OGA: variants seen among roughly 807,000 people sequenced by gnomAD.
The protein encoded by OGA is O-GlcNAcase.
OGA carries 21 observed loss-of-function variants against 102.0 expected under a neutral mutation model. The observed-to-expected ratio is 0.21, with a 90% CI of 0.15 to 0.30. OGA has a LOEUF of 0.30. Among genes scored for constraint, OGA ranks in the 10% least tolerant of loss-of-function variants. OGA has a pLI of 1.00. For missense variants in OGA, 765 were observed against 1,107.8 expected, an observed-to-expected ratio of 0.69 and a Z score of 4.39; for synonymous variants, 408 against 378.2, an observed-to-expected ratio of 1.08 and a Z score of -0.91.
intron 14 of OGA, 108 bp downstream of exon 14, chr10:101,790,788 A>C: frequency 2.6e-6 from 2 of 758,762 alleles, no homozygotes; most frequent in South Asian, 5.3e-5. Flanking sequence ...CTAAGATTTT[A>C]TGATGTATCT....
chr10:101,792,825 A>C lies in OGA; in HGVS notation c.2175+14T>G. 1.3e-6 allele frequency: 2 copies of C among 1,546,858 alleles called. No homozygotes were observed. Among genetic ancestry groups the C allele is most frequent in the Non-Finnish European group, 1.8e-6 (2 of 1,118,884 alleles). ...ATACCCATACACCAAGTTGGTAGGT[A>C]GAGAGACAATTACCTCATCCTTAGG... On this transcript the variant is annotated intron_variant, in intron 12 of 15. Coordinates refer to ENST00000361464, the MANE Select transcript of OGA (RefSeq NM_012215.5).
chr10:101,806,630 A>G (rs902572298), intron 5 of OGA, among the ~76,000 whole-genome samples: 4 of 152,260 alleles, frequency 2.6e-5, no homozygotes, highest in African/African-American at 9.6e-5. Context: ...ATCAATTCTT[A>G]CGATACTACA....
At chr10:101,812,869 A>T in intron 3 of OGA, 161 bp downstream of exon 3, 1 of 702,070 alleles carries the variant, frequency 1.4e-6, no homozygotes, top group Non-Finnish European at 2.6e-6. Context: ...AGCGCAGAGC[A>T]CTCTTTCAAT....
intron 10 of OGA, chr10:101,797,220 T>C (rs1422474510): frequency 1.3e-5 from 2 of 152,166 alleles, no homozygotes; most frequent in Admixed American, 1.3e-4. Flanking sequence ...TGCTGCCTGC[T>C]GTGTGCTGTA....
chr10:101,786,854 G>A (rs367997985), intron 15 of OGA, among the ~76,000 whole-genome samples: 15 of 152,028 alleles, frequency 9.9e-5, no homozygotes, highest in East Asian at 3.9e-4. Flanking sequence ...TGCAACCTCC[G>A]CCTCCCGGCT....
At chr10:101,812,863 C>T in intron 3 of OGA, 167 bp downstream of exon 3, 1 of 692,664 alleles carries the variant, frequency 1.4e-6, no homozygotes, top group South Asian at 1.5e-5. Context: ...CTTGCTAGCG[C>T]AGAGCACTCT....
intron 4 of OGA, among the ~76,000 whole-genome samples, chr10:101,808,158 ATT>A (rs1266566478): frequency 6.6e-6 from 1 of 152,098 alleles, no homozygotes. Context: ...TTGGATTTTC[ATT>A]TTTGTTTTTT....
At chr10:101,812,901 C>T in intron 3 of OGA, 129 bp downstream of exon 3, 1 of 775,358 alleles carries the variant, frequency 1.3e-6, no homozygotes, top group Non-Finnish European at 2.3e-6. Flanking sequence ...GAATAGTTAC[C>T]AGATAGAAGA....
In OGA at chr10:101,800,243, G is replaced by A; in HGVS notation, c.1194C>T (p.Ser398=). ...TTAACAAAGAATGGCCAAACTCACT[G>A]CTGTATTGATGAGGCACACCAAACT... ...LQEFGVPHQY[S]SRQVAHSGAK... Residue 398 remains serine (S), a splice_region_variant and synonymous_variant, in exon 8 of 16, where the codon AGC becomes AGT. Transcript: ENST00000361464. 1 of 1,613,504 alleles carries A rather than the reference G, an allele frequency of 6.2e-7. No individual in the cohort carries two copies. The highest frequency in any genetic ancestry group is 8.5e-7 in the Non-Finnish European group (1 of 1,179,572).
At chr10:101,809,366 G>T (rs2065518637) in intron 4 of OGA, among the ~76,000 whole-genome samples, 1 of 152,106 alleles carries the variant, frequency 6.6e-6, no homozygotes, top group African/African-American at 2.4e-5. Context: ...AATTTGAGAA[G>T]AACTAGTACC....
intron 3 of OGA, 103 bp downstream of exon 3, chr10:101,812,927 C>T (rs938887364): frequency 4.1e-6 from 4 of 986,240 alleles, no homozygotes; most frequent in South Asian, 3.9e-5. Flanking sequence ...AAACTACCTA[C>T]AAAATAAAAA....
At chr10:101,798,517 G>T (rs748088639) in intron 9 of OGA, among the ~76,000 whole-genome samples, 3 of 150,648 alleles carry the variant, frequency 2.0e-5, no homozygotes, top group African/African-American at 7.3e-5. Flanking sequence ...TTCTTCAAGC[G>T]ATTCTCCTGC....
intron 7 of OGA, among the ~76,000 whole-genome samples, chr10:101,803,286 G>C (rs918093352): frequency 2.6e-5 from 4 of 151,780 alleles, no homozygotes; most frequent in Non-Finnish European, 1.5e-5. Context: ...TGATTCTAGA[G>C]ATAATGGAAA....
rs182348621 is a variant in OGA, at chr10:101,796,640, A to G, written c.1984+1340T>C. 4.2e-4 allele frequency among the ~76,000 whole-genome samples: 63 copies of G among 151,562 alleles called. 2 individuals are homozygous for G. The highest frequency in any genetic ancestry group is 1.5e-3 in the African/African-American group (62 of 41,214). ...GGCTGGAGTGCAATGGTGTGATCTC[A>G]GCTCACTGCAACCTCTGCCTCCTGA... On this transcript the variant is annotated intron_variant, in intron 10 of 15. Coordinates refer to ENST00000361464, the MANE Select transcript of OGA (RefSeq NM_012215.5).
At chr10:101,791,598 T>C in intron 12 of OGA, 159 bp from the exon 13 acceptor site, 4 of 613,078 alleles carry the variant, frequency 6.5e-6, no homozygotes, top group Non-Finnish European at 1.2e-5. Flanking sequence ...GATTTATTCA[T>C]TGAGTCAGAT....
intron 14 of OGA, among the ~76,000 whole-genome samples, chr10:101,788,247 G>A (rs1458223233): frequency 2.0e-5 from 3 of 151,362 alleles, no homozygotes; most frequent in Non-Finnish European, 4.4e-5. Flanking sequence ...TGACCAGCCT[G>A]GGCAACAAAG....
At chr10:101,801,394 G>GAA (rs769953883) in intron 7 of OGA, among the ~76,000 whole-genome samples, 17 of 80,992 alleles carry the variant, frequency 2.1e-4, no homozygotes, top group African/African-American at 5.1e-4. Context: ...CTCCGTCTCA[G>GAA]AAAAAAAAAA....
At chr10:101,817,788 T>C (rs753164583) in intron 1 of OGA, 36 bp downstream of exon 1, 1 of 1,534,270 alleles carries the variant, frequency 6.5e-7, no homozygotes, top group Non-Finnish European at 8.7e-7. Context: ...ACAGAACGTG[T>C]TAGTGCCAAA....
chr10:101,788,985 C>T (rs2065224554), intron 14 of OGA, among the ~76,000 whole-genome samples: 1 of 152,080 alleles, frequency 6.6e-6, no homozygotes, highest in African/African-American at 2.4e-5. Context: ...TAACGTATTC[C>T]TTACATGAAA....
Sources: allele counts gnomAD v4.1 joint callset (sites outside exome capture counted in the v4.1 genomes callset), GRCh38; gene constraint gnomAD v4.1.1; transcripts MANE v1.5; gene names NCBI Gene and HGNC (gene_info 2026-07-23, HGNC 2026-07-21).